FRAS1: variants seen among roughly 807,000 people sequenced by gnomAD.
FRAS1 encodes the protein Fraser extracellular matrix complex subunit 1, also known as extracellular matrix organizing protein FRAS1.
FRAS1 carries 290 observed loss-of-function variants against 435.2 expected under a neutral mutation model. That is an observed-to-expected ratio of 0.67 (90% CI 0.61 to 0.73). FRAS1 has a LOEUF of 0.73. Among genes scored for constraint, FRAS1 ranks in the 30% least tolerant of loss-of-function variants. FRAS1 has a pLI of 0.00. For synonymous variants in FRAS1, 1,800 were observed against 1,851.0 expected (o/e 0.97, Z 0.71); for missense variants, 4,860 against 5,001.5 (o/e 0.97, Z 0.85).
At chr4:78,487,310 T>C (rs1314793273) in intron 58 of FRAS1, among the ~76,000 whole-genome samples, 2 of 152,212 alleles carry the variant, frequency 1.3e-5, no homozygotes, top group Non-Finnish European at 2.9e-5. Flanking sequence ...GATGGTTTTA[T>C]TTTTGCCATG....
intron 2 of FRAS1, among the ~76,000 whole-genome samples, chr4:78,093,865 A>G (rs1309997572): frequency 3.3e-5 from 5 of 152,206 alleles, no homozygotes; most frequent in Non-Finnish European, 7.3e-5. Flanking sequence ...TAAGGTTATT[A>G]CTTAGCAGCA....
intron 2 of FRAS1, among the ~76,000 whole-genome samples, chr4:78,230,714 C>T (rs977177356): frequency 6.6e-6 from 1 of 152,164 alleles, no homozygotes; most frequent in East Asian, 1.9e-4. Flanking sequence ...GCGTCCTGTT[C>T]GCTGCTTTGA....
chr4:78,193,006 A>T (rs540186610), intron 2 of FRAS1, among the ~76,000 whole-genome samples: 1 of 152,098 alleles, frequency 6.6e-6, no homozygotes. Context: ...GAACATCTTT[A>T]TTTCTGCCTT....
chr4:78,362,793 CG>C (rs1286291068), intron 20 of FRAS1, among the ~76,000 whole-genome samples: 6 of 152,110 alleles, frequency 3.9e-5, no homozygotes, highest in African/African-American at 1.4e-4. Context: ...AAGGACAGGT[CG>C]TCTTTCCCCA....
intron 2 of FRAS1, among the ~76,000 whole-genome samples, chr4:78,120,939 G>A (rs554149241): frequency 6.6e-6 from 1 of 152,234 alleles, no homozygotes; most frequent in African/African-American, 2.4e-5. Context: ...GCTACTTCGT[G>A]GGAAATTGAA....
chr4:78,478,650 T>C (rs28633620), intron 55 of FRAS1, among the ~76,000 whole-genome samples: 3,126 of 152,324 alleles, frequency 0.021, 111 homozygotes, highest in African/African-American at 0.07. Context: ...TTGTGCAAGA[T>C]TGAGACTTTA....
intron 5 of FRAS1, among the ~76,000 whole-genome samples, chr4:78,254,053 T>C (rs1725676315): frequency 6.6e-6 from 1 of 152,074 alleles, no homozygotes; most frequent in African/African-American, 2.4e-5. Context: ...CTGAAGAAAT[T>C]ATGCCCACCT....
At chr4:78,171,744 G>A (rs947352193) in intron 2 of FRAS1, among the ~76,000 whole-genome samples, 5 of 152,132 alleles carry the variant, frequency 3.3e-5, no homozygotes, top group African/African-American at 1.2e-4. Context: ...GCTGCTGGCT[G>A]TGCTCTCCAG....
intron 31 of FRAS1, among the ~76,000 whole-genome samples, chr4:78,409,110 C>A (rs1399520269): frequency 7.5e-6 from 1 of 133,268 alleles, no homozygotes; most frequent in African/African-American, 2.8e-5. Flanking sequence ...CAGAGCGAGA[C>A]CCTCTCTCAA....
intron 2 of FRAS1, among the ~76,000 whole-genome samples, chr4:78,208,137 C>A (rs574059691): frequency 6.6e-6 from 1 of 152,276 alleles, no homozygotes; most frequent in Admixed American, 6.5e-5. Context: ...CAGACAACCC[C>A]CACTAACAGC....
chr4:78,158,822 A>G (rs1225288583), intron 2 of FRAS1, among the ~76,000 whole-genome samples: 1 of 152,112 alleles, frequency 6.6e-6, no homozygotes, highest in Non-Finnish European at 1.5e-5. Flanking sequence ...TCTCTGGTCT[A>G]TTTATGCCGC....
intron 2 of FRAS1, among the ~76,000 whole-genome samples, chr4:78,127,256 G>C (rs975801344): frequency 2.6e-5 from 4 of 152,108 alleles, no homozygotes; most frequent in African/African-American, 7.2e-5. Context: ...GGAGTGGGAG[G>C]AGCAGGGATG....
At chr4:78,252,323 C>G in intron 4 of FRAS1, 69 bp from the exon 5 acceptor site, 2 of 1,454,966 alleles carry the variant, frequency 1.4e-6, no homozygotes, top group Non-Finnish European at 1.9e-6. Flanking sequence ...AGATTTGTTT[C>G]TATTTGGCTG....
intron 35 of FRAS1, 49 bp from the exon 36 acceptor site, chr4:78,429,046 C>CTGTGTGTGTGTG: frequency 8.6e-6 from 12 of 1,393,666 alleles, no homozygotes; most frequent in African/African-American, 4.3e-5. Flanking sequence ...GTGCGTGTCT[C>CTGTGTGTGTGTG]TGTGTGTGTG....
chr4:78,360,780 C>G (rs17003157), intron 20 of FRAS1, among the ~76,000 whole-genome samples: 2 of 152,134 alleles, frequency 1.3e-5, no homozygotes, highest in African/African-American at 4.8e-5. Context: ...AATTAACACA[C>G]GTTACACTCC....
Position 78,363,507 on chromosome 4 carries a change from C to T in FRAS1, c.2423-6C>T, listed in dbSNP as rs752411579. On this transcript the variant is annotated splice_region_variant and splice_polypyrimidine_tract_variant and intron_variant, in intron 20 of 73. Coordinates refer to ENST00000512123, the MANE Select transcript of FRAS1 (RefSeq NM_025074.7). ...TGCCTTCTCTGTGCTCCCCTTCCCC[C>T]TCCAGACTGCCATCACCTGTGCCAG... 4.4e-6 allele frequency: 7 copies of T among 1,606,104 alleles called. No individual in the cohort carries two copies. The highest frequency in any genetic ancestry group is 1.3e-5 in the African/African-American group (1 of 74,834).
chr4:78,472,478 T>A (rs959709799), intron 52 of FRAS1, 148 bp downstream of exon 52: 1 of 582,450 alleles, frequency 1.7e-6, no homozygotes, highest in Non-Finnish European at 2.7e-6. Flanking sequence ...CCATCCAACT[T>A]AAGAATTTTA....
chr4:78,303,469 A>G (rs961119470), intron 14 of FRAS1, among the ~76,000 whole-genome samples: 2 of 152,168 alleles, frequency 1.3e-5, no homozygotes, highest in African/African-American at 2.4e-5. Flanking sequence ...TTTTCACGAT[A>G]TTGATTCTTC....
chr4:78,328,802 T>C (rs1209067349), intron 18 of FRAS1, among the ~76,000 whole-genome samples: 1 of 152,138 alleles, frequency 6.6e-6, no homozygotes, highest in Non-Finnish European at 1.5e-5. Context: ...ACTTAAAAAA[T>C]AATTGCTCCT....
Sources: gnomAD v4.1 joint callset for allele counts (sites outside exome capture counted in the v4.1 genomes callset) on GRCh38, gnomAD v4.1.1 for gene constraint, MANE v1.5 for transcripts, NCBI Gene and HGNC (gene_info 2026-07-23, HGNC 2026-07-21) for gene names.